Variants in TKFC observed in about 807,000 individuals in gnomAD.
TKFC encodes the protein triokinase/FMN cyclase.
A neutral mutation model predicts 61.0 loss-of-function variants in TKFC; 46 were observed. The observed-to-expected ratio is 0.75, with a 90% confidence interval of 0.60 to 0.96. The LOEUF is 0.96. Ranked by LOEUF, TKFC falls within the 50% of genes least tolerant of loss-of-function variation. The probability of loss-of-function intolerance (pLI) is 0.00; values close to 1 mark genes in which losing one functional copy is unlikely to be tolerated. For synonymous variants in TKFC, 314 were observed against 330.1 expected, an observed-to-expected ratio of 0.95 and a Z score of 0.53; for missense variants, 715 against 777.5, an observed-to-expected ratio of 0.92 and a Z score of 0.96.
intron 10 of TKFC, 90 bp downstream of exon 10, chr11:61,342,934 C>A (rs145238640): frequency 2.3e-6 from 3 of 1,318,120 alleles, no homozygotes; most frequent in African/African-American, 2.9e-5. Flanking sequence ...GACTGTGCGT[C>A]AGATAAGCCT....
Position 61,342,736 on chromosome 11 carries a change from G to C in TKFC, c.776-19G>C. The C allele has an allele frequency of 1.2e-6, 2 of 1,613,988 alleles. No homozygotes were observed. The highest frequency in any genetic ancestry group is 1.7e-6 in the Non-Finnish European group (2 of 1,179,978). On this transcript the variant is annotated intron_variant, in intron 9 of 17. Transcript: ENST00000394900. ...AGACGCCCAGAGGGTCTCACCTGGG[G>C]TGTCATGTCTACCCGCAGGCTCCTC...
Position 61,348,536 on chromosome 11 carries a change from C to T in TKFC, c.*2033C>T. Reference sequence around the variant, plus strand: ...CCAAATTCCTGTGTTGAAAGGCTCACCCCCACTATGGTAGTGTTAGGACGT... The same window carrying T: ...CCAAATTCCTGTGTTGAAAGGCTCATCCCCACTATGGTAGTGTTAGGACGT... On this transcript the variant is annotated 3_prime_UTR_variant, in exon 18 of 18. Coordinates refer to ENST00000394900, the MANE Select transcript of TKFC (RefSeq NM_015533.4). 1 of 975,638 alleles carries T rather than the reference C, an allele frequency of 1.0e-6. No homozygotes were observed. The highest frequency in any genetic ancestry group is 1.2e-6 in the Non-Finnish European group (1 of 821,016). 60.4% of individuals were successfully genotyped at this position (975,638 alleles called of 1,614,324 possible). A position where few individuals can be genotyped will look rare whatever the true frequency, so the allele number is the denominator to read the frequency against.
downstream of TKFC, chr11:61,352,806 T>C: frequency 6.9e-7 from 1 of 1,445,302 alleles, no homozygotes; most frequent in Non-Finnish European, 9.1e-7. Context: ...TCAATAAATA[T>C]CTGCTGACTT....
Position 61,345,242 on chromosome 11 carries a change from A to C in TKFC, c.1241-18A>C. On this transcript the variant is annotated intron_variant, in intron 13 of 17. Transcript: ENST00000394900. ...AGGGAGGATCTCTGAATTCCTCCCCATCTCTCTCTGCCTGCAGCAATCCAG... is the reference window on the plus strand; with the variant it reads ...AGGGAGGATCTCTGAATTCCTCCCCCTCTCTCTCTGCCTGCAGCAATCCAG... 6.6e-7 allele frequency: 1 copy of C among 1,519,028 alleles called. No homozygotes were observed. Among genetic ancestry groups the C allele is most frequent in the Non-Finnish European group, 8.8e-7 (1 of 1,130,308 alleles). The allele number at this position is 1,519,028 out of a possible 1,614,324, so 94.1% of individuals were successfully genotyped here.
intron 16 of TKFC, 54 bp from the exon 17 acceptor site, chr11:61,345,803 A>T (rs979173259): frequency 3.1e-6 from 5 of 1,614,066 alleles, no homozygotes; most frequent in African/African-American, 1.3e-5. Flanking sequence ...AAGTCTAAAG[A>T]GCACCCTCGG....
At position 61,347,716 on chromosome 11, in the gene TKFC, T is replaced by C. The variant is rs147741826; in HGVS notation, c.*1213T>C. On this transcript the variant is annotated 3_prime_UTR_variant, in exon 18 of 18. Transcript: ENST00000394900. ...GTTAAAGGCACTGGCTGTCGACTCA[T>C]ACACATGATCTGAAATCTGATTCTG... 2.0e-6 allele frequency: 2 copies of C among 985,262 alleles called. No homozygotes were observed. The highest frequency in any genetic ancestry group is 3.5e-5 in the African/African-American group (2 of 57,320). 61.0% of individuals were successfully genotyped at this position (985,262 alleles called of 1,614,324 possible).
rs368948026 is a variant in TKFC, at chr11:61,345,340, G to A, written c.1321G>A (p.Glu441Lys). 3.7e-5 allele frequency: 59 copies of A among 1,604,264 alleles called. No individual in the cohort carries two copies. The African/African-American group carries it at 6.9e-4, about 19-fold the overall frequency. Residue 441 changes from glutamate (E) to lysine (K), a missense_variant, in exon 14 of 18, where the codon GAG becomes AAG. Coordinates refer to ENST00000394900, the MANE Select transcript of TKFC (RefSeq NM_015533.4). Reference protein sequence around the residue: ...LLSKLSVLLLEKMGGSSGALY... With the variant: ...LLSKLSVLLLKKMGGSSGALY... The stretch of plus-strand genomic sequence containing the variant: ...CTCCAAGTTGTCTGTCCTGCTCCTG[G>A]AGAAGATGGGAGGCTCATCTGGGGC...
chr11:61,339,029 C>T (rs1253191763), intron 3 of TKFC, 37 bp from the exon 4 acceptor site: 43 of 1,584,812 alleles, frequency 2.7e-5, no homozygotes, highest in Non-Finnish European at 3.7e-5. Flanking sequence ...GGCGCGAGTC[C>T]CACCCAGCAT....
chr11:61,346,053 CCT>C lies in TKFC; in HGVS notation c.1575+108_1575+109del. Reference sequence around the variant, plus strand: ...TAATAACCTTCCTGGACCGCAGTTTCCTTCTCTGTACAATGGAGATGAGCACC... The same window carrying C: ...TAATAACCTTCCTGGACCGCAGTTTCTCTCTGTACAATGGAGATGAGCACC... On this transcript the variant is annotated intron_variant, in intron 17 of 17. Coordinates refer to ENST00000394900, the MANE Select transcript of TKFC (RefSeq NM_015533.4). This position sits in a 1 kb window ranked among gnomAD's most constrained non-coding sequence, Gnocchi z 4.1. 7.8e-7 allele frequency: 1 copy of C among 1,273,956 alleles called. No homozygotes were observed. Among genetic ancestry groups the C allele is most frequent in the Non-Finnish European group, 1.1e-6 (1 of 917,512 alleles). The allele number at this position is 1,273,956 out of a possible 1,614,324, so 78.9% of individuals were successfully genotyped here.
downstream of TKFC, chr11:61,353,284 C>T (rs575741194): frequency 1.8e-5 from 19 of 1,051,184 alleles, no homozygotes; most frequent in South Asian, 3.1e-4. Flanking sequence ...CACTACCGTG[C>T]TAGCTTCCTC....
chr11:61,336,868 T>C (rs1403096463), intron 2 of TKFC, among the ~76,000 whole-genome samples: 1 of 152,148 alleles, frequency 6.6e-6, no homozygotes, highest in Non-Finnish European at 1.5e-5. Flanking sequence ...TGGTCACCCG[T>C]GCTTCCTGGC....
intron 13 of TKFC, 84 bp downstream of exon 13, chr11:61,344,357 TC>T: frequency 1.6e-6 from 2 of 1,272,492 alleles, no homozygotes; most frequent in Non-Finnish European, 2.0e-6. Flanking sequence ...GCAGGGACCT[TC>T]CTTTTTTTTT....
At chr11:61,337,382 G>T (rs1590718269) in intron 2 of TKFC, among the ~76,000 whole-genome samples, 3 of 152,206 alleles carry the variant, frequency 2.0e-5, no homozygotes, top group Admixed American at 2.0e-4. Context: ...TTGGACTCAG[G>T]CGATCTGCCT....
chr11:61,344,245 T>C lies in TKFC; in HGVS notation c.1212T>C (p.Cys404=). 1.2e-6 allele frequency: 2 copies of C among 1,612,776 alleles called. No homozygotes were observed. The highest frequency in any genetic ancestry group is 1.7e-6 in the Non-Finnish European group (2 of 1,179,980). The part of the protein sequence containing the change: ...ALDRAAGDGD[C]GTTHSRAARA... ...ACCGGGCTGCTGGTGACGGCGACTG[T>C]GGCACCACCCACAGCCGTGCGGCCA... Residue 404 remains cysteine, a synonymous_variant, in exon 13 of 18, where the codon TGT becomes TGC. Transcript: ENST00000394900.
chr11:61,353,086 G>A (rs1857494774), downstream of TKFC: 2 of 1,613,768 alleles, frequency 1.2e-6, no homozygotes, highest in South Asian at 1.1e-5. Flanking sequence ...TTAGGAGGCT[G>A]CGCAGCCACA....
At position 61,348,627 on chromosome 11, in the gene TKFC, C is replaced by A; in HGVS notation, c.*2124C>A. 1 of 447,532 alleles carries A rather than the reference C, an allele frequency of 2.2e-6. No individual in the cohort carries two copies. The highest frequency in any genetic ancestry group is 3.0e-6 in the Non-Finnish European group (1 of 338,268). 27.7% of individuals were successfully genotyped at this position (447,532 alleles called of 1,614,324 possible). On this transcript the variant is annotated 3_prime_UTR_variant, in exon 18 of 18. Transcript: ENST00000394900. ...CAGAGAGCTCTCACGCCCTTTCCAC[C>A]ATGTGAGGTTATGGTGAGAAGATGG...
intron 6 of TKFC, 57 bp from the exon 7 acceptor site, chr11:61,341,766 C>T (rs1319047321): frequency 2.0e-6 from 3 of 1,523,692 alleles, no homozygotes; most frequent in Non-Finnish European, 2.7e-6. Context: ...TGCCACCCTT[C>T]CTGATGCCCA....
chr11:61,350,753 GATTTGGGGGGGAA>G (rs1857363693), downstream of TKFC: 1 of 612,946 alleles, frequency 1.6e-6, no homozygotes, highest in African/African-American at 1.9e-5. Context: ...GAACCACAGT[GATTTGGGGGGGAA>G]ATTCTGTCTC....
intron 13 of TKFC, 88 bp downstream of exon 13, chr11:61,344,361 T>A: frequency 1.3e-3 from 22 of 16,900 alleles, no homozygotes; most frequent in Non-Finnish European, 2.3e-3. Flanking sequence ...GGACCTTCCT[T>A]TTTTTTTTTT....
Sources: allele counts gnomAD v4.1 joint callset (sites outside exome capture counted in the v4.1 genomes callset), GRCh38; gene constraint gnomAD v4.1.1; non-coding constraint Gnocchi (gnomAD v3.1); transcripts MANE v1.5; gene names NCBI Gene and HGNC (gene_info 2026-07-23, HGNC 2026-07-21).